HOXC4: variants seen among roughly 807,000 people sequenced by gnomAD.
The protein encoded by HOXC4 is homeobox C4, also known as homeobox protein Hox-C4.
Under a neutral mutation model 25.5 loss-of-function variants are expected in HOXC4, and 15 were observed. The observed-to-expected ratio is 0.59, with a 90% CI of 0.39 to 0.91. The LOEUF is 0.91. Among genes scored for constraint, HOXC4 ranks in the 40% least tolerant of loss-of-function variants. The pLI is 0.00. For missense variants in HOXC4, 342 were observed against 352.4 expected (o/e 0.97, Z 0.24); for synonymous variants, 165 against 148.0 (o/e 1.11, Z -0.83).
intron 1 of HOXC4, among the ~76,000 whole-genome samples, chr12:54,040,351 G>T (rs1941251245): frequency 6.6e-6 from 1 of 152,146 alleles, no homozygotes; most frequent in Non-Finnish European, 1.5e-5. Flanking sequence ...TCTCTGTCTC[G>T]CTCTTCCCAT....
Position 54,054,238 on chromosome 12 carries a change from G to A in HOXC4, c.316G>A (p.Ala106Thr), listed in dbSNP as rs201787571. The change falls in exon 1 of 2, where the codon GCC becomes ACC. Residue 106 changes from alanine (A) to threonine (T), a missense_variant. Ala to Thr is a moderately conservative substitution (Grantham distance 58). Coordinates refer to ENST00000430889, the MANE Select transcript of HOXC4 (RefSeq NM_153633.3). ...CTGCGAGCCGGCGCCTCTCTCAGGC[G>A]CCTCCGCCTCCCCGTCCCCAGCCCC... ...SLCEPAPLSG[A>T]SASPSPAPPA... is the part of the protein sequence containing the mutation. 9.4e-5 allele frequency: 152 copies of A among 1,610,584 alleles called. No individual in the cohort carries two copies. The highest frequency in any genetic ancestry group is 1.2e-4 in the Non-Finnish European group (147 of 1,178,638).
intron 1 of HOXC4, chr12:54,033,618 G>A (rs370139804): frequency 6.2e-6 from 9 of 1,450,142 alleles, no homozygotes; most frequent in Non-Finnish European, 7.3e-6. Context: ...GGTCCGCCTG[G>A]GTTTTATAGG....
chr12:54,048,289 C>G (rs1474125513), intron 1 of HOXC4, among the ~76,000 whole-genome samples: 3 of 151,926 alleles, frequency 2.0e-5, no homozygotes, highest in East Asian at 1.9e-4. Flanking sequence ...CCCAGGAGAC[C>G]GCGCTCTCCA....
At chr12:54,025,230 C>T (rs1940637752) in intron 1 of HOXC4, among the ~76,000 whole-genome samples, 1 of 152,154 alleles carries the variant, frequency 6.6e-6, no homozygotes, top group African/African-American at 2.4e-5. Context: ...AACATCTGTT[C>T]TTGCTTCTGC....
chr12:54,024,178 G>A (rs1032468071), intron 1 of HOXC4, among the ~76,000 whole-genome samples: 4 of 152,210 alleles, frequency 2.6e-5, no homozygotes, highest in Non-Finnish European at 4.4e-5. Context: ...CCCTCGCCCA[G>A]TGGCACAAAA....
At chr12:54,038,301 C>T (rs1941220621) in intron 1 of HOXC4, among the ~76,000 whole-genome samples, 1 of 152,170 alleles carries the variant, frequency 6.6e-6, no homozygotes, top group South Asian at 2.1e-4. Context: ...CCAGGTCTTC[C>T]TGACCCTTTC....
At chr12:54,045,274 T>C (rs2136459948) in intron 1 of HOXC4, among the ~76,000 whole-genome samples, 1 of 152,368 alleles carries the variant, frequency 6.6e-6, no homozygotes, top group East Asian at 1.9e-4. Context: ...TATATTCCTT[T>C]TTGTTCCACA....
At chr12:54,040,743 TATTC>T (rs1006147613) in intron 1 of HOXC4, among the ~76,000 whole-genome samples, 1 of 152,216 alleles carries the variant, frequency 6.6e-6, no homozygotes, top group Admixed American at 6.5e-5. Context: ...CACTTACAAG[TATTC>T]ATTCTCTTCT....
chr12:54,037,157 C>T (rs1213078555), intron 1 of HOXC4, among the ~76,000 whole-genome samples: 2 of 152,206 alleles, frequency 1.3e-5, no homozygotes, highest in Admixed American at 6.5e-5. Context: ...GCAGCATCGT[C>T]GGGAGTCAGC....
At chr12:54,028,308 C>A (rs1411853892) in intron 1 of HOXC4, 4 of 473,184 alleles carry the variant, frequency 8.5e-6, no homozygotes, top group Non-Finnish European at 1.1e-5. Flanking sequence ...AAAGCACACA[C>A]TTAGTCTCAA....
chr12:54,029,109 C>T (rs541688247), intron 1 of HOXC4, among the ~76,000 whole-genome samples: 4 of 151,768 alleles, frequency 2.6e-5, no homozygotes, highest in African/African-American at 9.7e-5. Context: ...AGGGGCCTGG[C>T]CCCCTTGGCC....
intron 1 of HOXC4, chr12:54,020,342 C>T (rs1401110171): frequency 1.3e-5 from 2 of 152,222 alleles, no homozygotes; most frequent in African/African-American, 4.8e-5. Context: ...GCTTGCCTGC[C>T]CCCCTTATAA....
chr12:54,052,278 G>A (rs959487690), upstream of HOXC4, among the ~76,000 whole-genome samples: 8 of 152,164 alleles, frequency 5.3e-5, no homozygotes, highest in Non-Finnish European at 1.0e-4. Flanking sequence ...GATTTATGAC[G>A]TTTTACAGCC....
upstream of HOXC4, among the ~76,000 whole-genome samples, chr12:54,052,577 G>GA (rs910398728): frequency 6.6e-6 from 1 of 150,592 alleles, no homozygotes; most frequent in African/African-American, 2.5e-5. Context: ...GCTGGGGGGG[G>GA]GGGGTGGTGG....
chr12:54,038,509 G>A (rs1418259491), intron 1 of HOXC4, among the ~76,000 whole-genome samples: 1 of 152,194 alleles, frequency 6.6e-6, no homozygotes, highest in Admixed American at 6.5e-5. Context: ...ACGCCCACAG[G>A]CTACTGCTGC....
chr12:54,026,127 G>T (rs557325987), intron 1 of HOXC4, among the ~76,000 whole-genome samples: 2 of 152,114 alleles, frequency 1.3e-5, no homozygotes, highest in South Asian at 2.1e-4. Flanking sequence ...AAATTGGAGG[G>T]GGGGACAGAG....
At chr12:54,053,325 G>A (rs1272294450), upstream of HOXC4, 1 of 152,742 alleles carries the variant, frequency 6.5e-6, no homozygotes, top group African/African-American at 2.4e-5. Context: ...CCTTGGATGG[G>A]GGGCACTCCA....
intron 1 of HOXC4, chr12:54,033,368 G>C: frequency 6.2e-7 from 1 of 1,612,776 alleles, no homozygotes; most frequent in Non-Finnish European, 8.5e-7. Flanking sequence ...CGGCCGCTCC[G>C]GGACACGCTC....
chr12:54,054,471 T>C, intron 1 of HOXC4, 110 bp downstream of exon 1: 2 of 619,170 alleles, frequency 3.2e-6, no homozygotes, highest in Non-Finnish European at 5.4e-6. Flanking sequence ...TCCCCCTCTC[T>C]CTCCAGGAGC....
Sources: allele counts gnomAD v4.1 joint callset (sites outside exome capture counted in the v4.1 genomes callset), GRCh38; gene constraint gnomAD v4.1.1; transcripts MANE v1.5; gene names NCBI Gene and HGNC (gene_info 2026-07-23, HGNC 2026-07-21).